The following NKAIN2 variants were observed in gnomAD, a reference collection of about 807,000 sequenced individuals.
NKAIN2 encodes sodium/potassium-transporting ATPase subunit beta-1-interacting protein 2.
In NKAIN2, 14 loss-of-function variants were observed where a neutral mutation model predicts 32.6. That is an observed-to-expected ratio of 0.43 (90% confidence interval 0.28 to 0.67). NKAIN2 has a LOEUF of 0.67. NKAIN2 is among the 30% of genes least tolerant of loss of function. NKAIN2 has a pLI of 0.17. For synonymous variants in NKAIN2, 80 were observed against 87.2 expected (o/e 0.92, Z 0.46); for missense variants, 198 against 258.3 (o/e 0.77, Z 1.60).
chr6:123,987,912 A>T (rs1779217991), intron 1 of NKAIN2, among the ~76,000 whole-genome samples: 2 of 152,208 alleles, frequency 1.3e-5, no homozygotes, highest in African/African-American at 4.8e-5. Context: ...TTTCACGCCA[A>T]GTATGGAGAT....
intron 2 of NKAIN2, among the ~76,000 whole-genome samples, chr6:124,342,877 A>C (rs901781824): frequency 4.0e-5 from 6 of 149,464 alleles, no homozygotes; most frequent in Non-Finnish European, 8.8e-5. Context: ...CATGTGCACA[A>C]TGTGCCAGTT....
At chr6:124,579,308 G>A (rs750955349) in intron 3 of NKAIN2, among the ~76,000 whole-genome samples, 6 of 152,166 alleles carry the variant, frequency 3.9e-5, no homozygotes, top group Non-Finnish European at 7.3e-5. Context: ...TGACCTTTCA[G>A]GCATAATTTG....
chr6:124,714,057 A>G (rs543761257), intron 4 of NKAIN2, among the ~76,000 whole-genome samples: 16 of 152,256 alleles, frequency 1.1e-4, no homozygotes, highest in South Asian at 2.1e-4. Flanking sequence ...TGTCAGTGTA[A>G]TTTCTACCCC....
intron 1 of NKAIN2, among the ~76,000 whole-genome samples, chr6:124,222,675 C>G (rs1394118071): frequency 6.6e-6 from 1 of 152,062 alleles, no homozygotes; most frequent in Non-Finnish European, 1.5e-5. Flanking sequence ...AAGGTAGAAC[C>G]AGCAGAAAAG....
intron 1 of NKAIN2, among the ~76,000 whole-genome samples, chr6:124,268,710 AC>A (rs1794615256): frequency 1.3e-5 from 2 of 151,136 alleles, no homozygotes; most frequent in Non-Finnish European, 2.9e-5. Context: ...ATATATTATA[AC>A]ATATATATTT....
rs375555464 is a variant in NKAIN2 at position 124,108,846 on chromosome 6, A to T, written c.55-174159A>T. Among the ~76,000 whole-genome samples the T allele has an allele frequency of 8.5e-5, 13 of 152,152 alleles. No homozygotes were observed. In the East Asian group the frequency reaches 1.9e-3, roughly 23 times the overall value. ...CAATCTTGTCAAAGATCAGTTGACC[A>T]CATATGGATGAGTTTATTTCTGGAC... On this transcript the variant is annotated intron_variant, in intron 1 of 6. Coordinates refer to ENST00000368417, the MANE Select transcript of NKAIN2 (RefSeq NM_001040214.3).
At chr6:124,820,303 T>C (rs1475222919) in intron 6 of NKAIN2, among the ~76,000 whole-genome samples, 2 of 152,224 alleles carry the variant, frequency 1.3e-5, no homozygotes, top group Non-Finnish European at 2.9e-5. Context: ...TGAGATTAAA[T>C]TCCCTCCGAC....
chr6:124,379,644 G>A (rs1224148231), intron 3 of NKAIN2, among the ~76,000 whole-genome samples: 1 of 152,128 alleles, frequency 6.6e-6, no homozygotes, highest in Non-Finnish European at 1.5e-5. Flanking sequence ...TGCAGAGCCA[G>A]TACTGTATTT....
intron 3 of NKAIN2, among the ~76,000 whole-genome samples, chr6:124,492,939 G>A (rs1388559856): frequency 6.6e-6 from 1 of 151,840 alleles, no homozygotes; most frequent in East Asian, 1.9e-4. Flanking sequence ...TCTGGAGTCA[G>A]GCAGAACTGG....
intron 1 of NKAIN2, among the ~76,000 whole-genome samples, chr6:123,811,421 G>T (rs1431877053): frequency 6.7e-6 from 1 of 150,188 alleles, no homozygotes; most frequent in Non-Finnish European, 1.5e-5. Flanking sequence ...GGTGGGGGTT[G>T]TGGGGGGGTG....
At chr6:124,436,833 C>A (rs1195579200) in intron 3 of NKAIN2, among the ~76,000 whole-genome samples, 3 of 152,140 alleles carry the variant, frequency 2.0e-5, no homozygotes, top group Non-Finnish European at 4.4e-5. Flanking sequence ...CTCTGCTAAA[C>A]ACCCTCAATC....
chr6:124,489,439 G>A (rs1442040754), intron 3 of NKAIN2, among the ~76,000 whole-genome samples: 1 of 151,738 alleles, frequency 6.6e-6, no homozygotes, highest in Non-Finnish European at 1.5e-5. Flanking sequence ...GACTTACATG[G>A]TAGTTACATC....
At chr6:123,865,274 T>G (rs1353551719) in intron 1 of NKAIN2, among the ~76,000 whole-genome samples, 2 of 152,056 alleles carry the variant, frequency 1.3e-5, no homozygotes, top group Non-Finnish European at 2.9e-5. Context: ...AAGAGATAAA[T>G]ATTATTAATA....
chr6:124,126,268 G>A (rs1024852951), intron 1 of NKAIN2, among the ~76,000 whole-genome samples: 14 of 151,816 alleles, frequency 9.2e-5, no homozygotes, highest in African/African-American at 2.7e-4. Context: ...TCATGTTTTC[G>A]CTTCCTCTTG....
At chr6:123,976,319 A>G (rs1778586168) in intron 1 of NKAIN2, among the ~76,000 whole-genome samples, 1 of 68,516 alleles carries the variant, frequency 1.5e-5, no homozygotes, top group African/African-American at 5.3e-5. Flanking sequence ...TTCCATATAT[A>G]TATATGTTCC....
Position 124,381,879 on chromosome 6 carries a change from G to A in NKAIN2, c.273+26532G>A, listed in dbSNP as rs1285170060. ...GCATTATTTGATTCTAAGCTTCTCA[G>A]TGCTTTAGTATGAAAGCACACATTT... On this transcript the variant is annotated intron_variant, in intron 3 of 6. Coordinates refer to ENST00000368417, the MANE Select transcript of NKAIN2 (RefSeq NM_001040214.3). 3.3e-5 allele frequency among the ~76,000 whole-genome samples: 5 copies of A among 152,148 alleles called. 1 individual carries two copies. Among genetic ancestry groups the A allele is most frequent in the Admixed American group, 3.3e-4 (5 of 15,290 alleles).
chr6:124,391,633 AAC>A (rs1176031430), intron 3 of NKAIN2, among the ~76,000 whole-genome samples: 1 of 152,128 alleles, frequency 6.6e-6, no homozygotes, highest in Admixed American at 6.6e-5. Flanking sequence ...CCCCAGTGAC[AAC>A]AGAGTCTAAG....
At chr6:124,328,513 G>A (rs1797511426) in intron 2 of NKAIN2, among the ~76,000 whole-genome samples, 1 of 152,116 alleles carries the variant, frequency 6.6e-6, no homozygotes, top group Admixed American at 6.6e-5. Context: ...GCTACCCTGG[G>A]ATACAGACTC....
chr6:124,025,239 G>A (rs1265053366), intron 1 of NKAIN2, among the ~76,000 whole-genome samples: 3 of 152,102 alleles, frequency 2.0e-5, no homozygotes, highest in African/African-American at 2.4e-5. Flanking sequence ...CTAAAGTTAA[G>A]GCTTTGAGGT....
Sources: gnomAD v4.1 joint callset for allele counts (sites outside exome capture counted in the v4.1 genomes callset) on GRCh38, gnomAD v4.1.1 for gene constraint, MANE v1.5 for transcripts, NCBI Gene and HGNC (gene_info 2026-07-23, HGNC 2026-07-21) for gene names.